The following TSC22D1 variants were observed in gnomAD, a reference collection of about 807,000 sequenced individuals.
TSC22D1 encodes TSC22 domain family protein 1.
In TSC22D1, 9 loss-of-function variants were observed where a neutral mutation model predicts 74.2. That is an observed-to-expected ratio of 0.12 (90% CI 0.07 to 0.21). TSC22D1 has a LOEUF of 0.21. Among genes scored for constraint, TSC22D1 ranks in the 10% least tolerant of loss-of-function variants. The probability of loss-of-function intolerance (pLI) is 1.00; values close to 1 mark genes in which losing one functional copy is unlikely to be tolerated. For synonymous variants in TSC22D1, 586 were observed against 492.5 expected (o/e 1.19, Z -2.51); for missense variants, 1,427 against 1,304.7 (o/e 1.09, Z -1.44).
chr13:44,437,041 G>A, intron 1 of TSC22D1: 1 of 979,632 alleles, frequency 1.0e-6, no homozygotes. Flanking sequence ...CTGGCCTGGC[G>A]CGGGCCGTGC....
intron 1 of TSC22D1, among the ~76,000 whole-genome samples, chr13:44,496,474 G>A (rs1878983220): frequency 6.6e-6 from 1 of 152,126 alleles, no homozygotes; most frequent in Non-Finnish European, 1.5e-5. Context: ...CCTGAGGGCA[G>A]GAGTTCGAGA....
At chr13:44,517,829 G>GTGTGTGTA (rs1271183064) in intron 1 of TSC22D1, among the ~76,000 whole-genome samples, 4 of 14,132 alleles carry the variant, frequency 2.8e-4, no homozygotes, top group African/African-American at 3.7e-4. Context: ...GTGTGTGTGT[G>GTGTGTGTA]TATATATATA....
chr13:44,435,247 C>G (rs1417413286), intron 2 of TSC22D1: 1 of 195,766 alleles, frequency 5.1e-6, no homozygotes, highest in Admixed American at 6.0e-5. Context: ...CCGCCCCGCG[C>G]TCGCCCGGAG....
intron 1 of TSC22D1, among the ~76,000 whole-genome samples, chr13:44,458,756 G>A (rs543144222): frequency 7.9e-5 from 12 of 152,308 alleles, no homozygotes; most frequent in African/African-American, 2.6e-4. Context: ...AAGCCTGGGC[G>A]CTGTCCGACC....
chr13:44,440,965 A>T (rs1247157726), intron 1 of TSC22D1, among the ~76,000 whole-genome samples: 4 of 152,240 alleles, frequency 2.6e-5, no homozygotes, highest in South Asian at 2.1e-4. Flanking sequence ...GAGAGAAAAG[A>T]GTTTTTTTAT....
intron 1 of TSC22D1, among the ~76,000 whole-genome samples, chr13:44,496,341 G>C (rs191881952): frequency 1.1e-4 from 17 of 152,062 alleles, no homozygotes; most frequent in African/African-American, 3.9e-4. Context: ...TTTGAGACTA[G>C]CCTGGACAAC....
chr13:44,551,092 A>T (rs1156392778), intron 1 of TSC22D1, among the ~76,000 whole-genome samples: 2 of 151,834 alleles, frequency 1.3e-5, no homozygotes, highest in East Asian at 3.8e-4. Flanking sequence ...TGGGCAACAG[A>T]ATGGAATCCC....
rs1466475236 is a variant in TSC22D1 at position 44,573,734 on chromosome 13, C to T, written c.2341G>A (p.Ala781Thr). 2.5e-6 allele frequency: 4 copies of T among 1,614,202 alleles called. No homozygotes were observed. The highest frequency in any genetic ancestry group is 1.7e-5 in the Admixed American group (1 of 60,026). ...ACCAATTGTTGAGGAAGGCTTGGAG[C>T]ACTAGTTTGAACTCCCTGATGAATA... is the stretch of plus-strand genomic sequence containing the variant. ...GIIHQGVQTSAPSLPQQLVIA... is the reference protein window; with the variant it reads ...GIIHQGVQTSTPSLPQQLVIA... The change falls in exon 1 of 3, where the codon GCT becomes ACT. Residue 781 changes from alanine (A) to threonine (T), a missense_variant. Ala to Thr is a moderately conservative substitution (Grantham distance 58). Coordinates refer to ENST00000458659, the MANE Select transcript of TSC22D1 (RefSeq NM_183422.4).
intron 1 of TSC22D1, among the ~76,000 whole-genome samples, chr13:44,569,313 A>G (rs1391473256): frequency 1.3e-5 from 2 of 152,234 alleles, no homozygotes; most frequent in Admixed American, 6.5e-5. Context: ...CGAGCAGGCT[A>G]TATTACATAT....
At position 44,434,854 on chromosome 13, in the gene TSC22D1, C is replaced by T. The variant is rs755334182; in HGVS notation, c.2994G>A (p.Ala998=). 3.1e-6 allele frequency: 5 copies of T among 1,613,658 alleles called. No individual in the cohort carries two copies. Among genetic ancestry groups the T allele is most frequent in the South Asian group, 2.2e-5 (2 of 91,044 alleles). The change falls in exon 3 of 3, where the codon GCG becomes GCA. Residue 998 remains alanine, a synonymous_variant. Transcript: ENST00000458659. ...MDLVKSHLMY[A]VREEVEVLKE... ...TGAGGACCTCCACTTCTTCTCTGACCGCATACATCAAATGGCTTTTCACTA... is the reference window on the plus strand; with the variant it reads ...TGAGGACCTCCACTTCTTCTCTGACTGCATACATCAAATGGCTTTTCACTA...
chr13:44,459,574 A>G (rs1876881279), intron 1 of TSC22D1, among the ~76,000 whole-genome samples: 1 of 152,176 alleles, frequency 6.6e-6, no homozygotes, highest in Non-Finnish European at 1.5e-5. Flanking sequence ...GCTGTAACAG[A>G]AACAGGGCTT....
intron 1 of TSC22D1, among the ~76,000 whole-genome samples, chr13:44,456,633 A>G (rs1876670256): frequency 1.3e-5 from 2 of 152,216 alleles, no homozygotes; most frequent in Admixed American, 6.5e-5. Flanking sequence ...GTCAAAAGGA[A>G]CCTAGAGGAA....
intron 1 of TSC22D1, among the ~76,000 whole-genome samples, chr13:44,555,211 T>C (rs67898828): frequency 0.11 from 16,614 of 151,858 alleles, 981 homozygotes; most frequent in Non-Finnish European, 0.12. Flanking sequence ...GAAGATTCAA[T>C]AATCACAAGT....
intron 1 of TSC22D1, among the ~76,000 whole-genome samples, chr13:44,502,155 T>C (rs963671711): frequency 6.6e-6 from 1 of 152,218 alleles, no homozygotes; most frequent in Non-Finnish European, 1.5e-5. Flanking sequence ...CTTTTTTCTA[T>C]GTGTGAGCCT....
intron 1 of TSC22D1, among the ~76,000 whole-genome samples, chr13:44,474,056 G>A (rs530098609): frequency 1.3e-5 from 2 of 152,102 alleles, no homozygotes; most frequent in Admixed American, 1.3e-4. Context: ...TTTTCCAGCT[G>A]GGAAAAACAA....
At chr13:44,524,810 T>C (rs1880473330) in intron 1 of TSC22D1, among the ~76,000 whole-genome samples, 1 of 152,146 alleles carries the variant, frequency 6.6e-6, no homozygotes, top group Non-Finnish European at 1.5e-5. Context: ...AGTGCTGGGA[T>C]TACAGGCGTG....
chr13:44,532,273 A>G (rs983935009), intron 1 of TSC22D1, among the ~76,000 whole-genome samples: 2 of 152,200 alleles, frequency 1.3e-5, no homozygotes, highest in African/African-American at 2.4e-5. Flanking sequence ...TCATATCACT[A>G]TAATTTCTTT....
chr13:44,473,490 T>C (rs1009220710), intron 1 of TSC22D1, among the ~76,000 whole-genome samples: 1 of 152,020 alleles, frequency 6.6e-6, no homozygotes, highest in African/African-American at 2.4e-5. Flanking sequence ...GCAAGACCCC[T>C]GACTCTAAAA....
intron 1 of TSC22D1, among the ~76,000 whole-genome samples, chr13:44,527,675 A>G (rs892130906): frequency 6.6e-6 from 1 of 152,146 alleles, no homozygotes; most frequent in Non-Finnish European, 1.5e-5. Flanking sequence ...CCTAGACCAG[A>G]TAACTAATCC....
Sources: gnomAD v4.1 joint callset for allele counts (sites outside exome capture counted in the v4.1 genomes callset) on GRCh38, gnomAD v4.1.1 for gene constraint, MANE v1.5 for transcripts, NCBI Gene and HGNC (gene_info 2026-07-23, HGNC 2026-07-21) for gene names.